The following MSI2 variants were observed in gnomAD, a reference collection of about 807,000 sequenced individuals.
MSI2 encodes the protein musashi RNA binding protein 2.
In MSI2, 17 loss-of-function variants were observed where a neutral mutation model predicts 45.6. That is an observed-to-expected ratio of 0.37 (90% CI 0.26 to 0.56). The LOEUF is 0.56. Ranked by LOEUF, MSI2 falls within the 20% of genes least tolerant of loss-of-function variation. The pLI, the probability that MSI2 is intolerant of heterozygous loss-of-function variation, is 0.77. For synonymous variants in MSI2, 156 were observed against 158.2 expected (o/e 0.99, Z 0.11); for missense variants, 293 against 444.2 (o/e 0.66, Z 3.06).
chr17:57,698,892 AGTGTGTGTGT>A, the MSI2 span, among the ~76,000 whole-genome samples: 6,145 of 118,588 alleles, frequency 0.052, 200 homozygotes, highest in African/African-American at 0.071. Context: ...GATACAAGGA[AGTGTGTGTGT>A]GTGTGTGTGT....
At chr17:57,527,471 G>GAGA (rs201068244) in intron 6 of MSI2, among the ~76,000 whole-genome samples, 1 of 151,904 alleles carries the variant, frequency 6.6e-6, no homozygotes, top group Non-Finnish European at 1.5e-5. Context: ...CGTCGGCGGG[G>GAGA]GCTCTTGAAG....
intron 10 of MSI2, chr17:57,631,846 A>G (rs2144623515): frequency 1.2e-6 from 2 of 1,613,136 alleles, no homozygotes; most frequent in East Asian, 2.2e-5. Context: ...TAAGAGAGGC[A>G]TAGCAAAGTG....
At chr17:57,382,137 G>T (rs778941287) in intron 5 of MSI2, among the ~76,000 whole-genome samples, 3 of 152,204 alleles carry the variant, frequency 2.0e-5, no homozygotes, top group Non-Finnish European at 4.4e-5. Context: ...CTTTAGGATG[G>T]TCATTCATTC....
rs1913284866 is a variant in MSI2, at chr17:57,320,981, C to G, written c.312+58789C>G. ...GGGCCCCTTTATCCCTCCTTGTTCCCCTCCTACCTTTCATCCAGCCCTCTA... is the reference window on the plus strand; with the variant it reads ...GGGCCCCTTTATCCCTCCTTGTTCCGCTCCTACCTTTCATCCAGCCCTCTA... On this transcript the variant is annotated intron_variant, in intron 5 of 13. Coordinates refer to ENST00000284073, the MANE Select transcript of MSI2 (RefSeq NM_138962.4). Among the ~76,000 whole-genome samples, 5 of 152,000 alleles carry G rather than the reference C, an allele frequency of 3.3e-5. No homozygotes were observed. In the South Asian group the frequency reaches 1.0e-3, roughly 31 times the overall value.
chr17:57,382,166 G>T (rs980967120), intron 5 of MSI2, among the ~76,000 whole-genome samples: 1 of 152,202 alleles, frequency 6.6e-6, no homozygotes, highest in Non-Finnish European at 1.5e-5. Context: ...AATATTTATT[G>T]CATGTCACTG....
chr17:57,429,953 C>G (rs1420531730), intron 6 of MSI2, among the ~76,000 whole-genome samples: 1 of 152,164 alleles, frequency 6.6e-6, no homozygotes, highest in East Asian at 1.9e-4. Context: ...GCAAATTCAT[C>G]TGTAAAATGG....
At position 57,559,188 on chromosome 17, in the gene MSI2, A is replaced by G. The variant is rs141914536; in HGVS notation, c.454+29464A>G. On this transcript the variant is annotated intron_variant, in intron 7 of 13. Coordinates refer to ENST00000284073, the MANE Select transcript of MSI2 (RefSeq NM_138962.4). ...AGACACAGACATCAACAGAAGCACA[A>G]AGTGAGATGGAACCCTGTCTCCCAA... Among the ~76,000 whole-genome samples, 1,033 of 152,314 alleles carry G rather than the reference A, an allele frequency of 6.8e-3. 15 individuals are homozygous for G. The highest frequency in any genetic ancestry group is 0.024 in the African/African-American group (990 of 41,578).
At chr17:57,574,685 T>C (rs1238969075) in intron 7 of MSI2, among the ~76,000 whole-genome samples, 1 of 152,194 alleles carries the variant, frequency 6.6e-6, no homozygotes, top group East Asian at 1.9e-4. Context: ...AGGGTCTCTC[T>C]CTGAGTGTGG....
At chr17:57,522,232 A>G (rs1191172411) in intron 6 of MSI2, 3 of 152,124 alleles carry the variant, frequency 2.0e-5, no homozygotes, top group Non-Finnish European at 4.4e-5. Context: ...CTGACACACT[A>G]TAGTATCATG....
the MSI2 span, among the ~76,000 whole-genome samples, chr17:57,691,743 C>G: frequency 6.6e-6 from 1 of 152,126 alleles, no homozygotes; most frequent in African/African-American, 2.4e-5. Context: ...TTTATAGATT[C>G]ATTGGGACTT....
intron 11 of MSI2, among the ~76,000 whole-genome samples, chr17:57,673,956 T>C (rs760391002): frequency 2.3e-4 from 35 of 152,122 alleles, no homozygotes; most frequent in Admixed American, 2.6e-4. Context: ...TCTTTTTTTT[T>C]TTTAAACAAA....
At position 57,333,462 on chromosome 17, in the gene MSI2, G is replaced by A. The variant is rs529452572; in HGVS notation, c.313-67917G>A. Among the ~76,000 whole-genome samples the A allele has an allele frequency of 7.5e-5, 11 of 146,910 alleles. No individual in the cohort carries two copies. In the South Asian group the frequency reaches 2.4e-3, roughly 31 times the overall value. On this transcript the variant is annotated intron_variant, in intron 5 of 13. Coordinates refer to ENST00000284073, the MANE Select transcript of MSI2 (RefSeq NM_138962.4). ...TACCGTTTTTTTTTTTTTTGAGACA[G>A]AGTCTCACTCCATCGCCCAGGCTGG... is the stretch of plus-strand genomic sequence containing the variant.
intron 6 of MSI2, among the ~76,000 whole-genome samples, chr17:57,411,621 T>G (rs2084198400): frequency 6.6e-6 from 1 of 152,136 alleles, no homozygotes; most frequent in Admixed American, 6.5e-5. Flanking sequence ...ACTTCCTGGG[T>G]GAGGACTCTG....
At chr17:57,451,368 C>T (rs1598285230) in intron 6 of MSI2, among the ~76,000 whole-genome samples, 1 of 152,170 alleles carries the variant, frequency 6.6e-6, no homozygotes, top group Non-Finnish European at 1.5e-5. Context: ...AGAGATCCTT[C>T]GCTAAATAAG....
chr17:57,507,180 G>T (rs1280996901), intron 6 of MSI2, among the ~76,000 whole-genome samples: 1 of 150,276 alleles, frequency 6.7e-6, no homozygotes, highest in Non-Finnish European at 1.5e-5. Context: ...TGTGTTGGGG[G>T]GGGGGGGTGT....
At chr17:57,288,921 G>C (rs1012440179) in intron 5 of MSI2, among the ~76,000 whole-genome samples, 7 of 152,168 alleles carry the variant, frequency 4.6e-5, no homozygotes, top group Admixed American at 4.6e-4. Context: ...GATGCCAGTA[G>C]CAATCCCTCC....
chr17:57,439,437 A>T (rs1200737381), intron 6 of MSI2, among the ~76,000 whole-genome samples: 1 of 152,114 alleles, frequency 6.6e-6, no homozygotes, highest in Non-Finnish European at 1.5e-5. Context: ...GCGGGCAGAG[A>T]GTTGGGTCAA....
the MSI2 span, among the ~76,000 whole-genome samples, chr17:57,689,901 C>A: frequency 1.3e-5 from 2 of 152,130 alleles, no homozygotes; most frequent in Non-Finnish European, 2.9e-5. Context: ...TATAGATATA[C>A]CCAATTTGTT....
chr17:57,578,476 C>CT (rs1342359815), intron 7 of MSI2, among the ~76,000 whole-genome samples: 1 of 151,854 alleles, frequency 6.6e-6, no homozygotes, highest in East Asian at 1.9e-4. Context: ...GGTGCCAGGA[C>CT]TGGGGGGGTA....
Sources: gnomAD v4.1 joint callset for allele counts (sites outside exome capture counted in the v4.1 genomes callset) on GRCh38, gnomAD v4.1.1 for gene constraint, MANE v1.5 for transcripts, NCBI Gene and HGNC (gene_info 2026-07-23, HGNC 2026-07-21) for gene names.